CEP126: variants seen among roughly 807,000 people sequenced by gnomAD.
CEP126 encodes the protein centrosomal protein 126, also known as centrosomal protein of 126 kDa.
Under a neutral mutation model 107.8 loss-of-function variants are expected in CEP126, and 74 were observed. The ratio of observed to expected loss-of-function variants is 0.69; its 90% CI spans 0.57 to 0.83. The LOEUF is 0.83. Ranked by LOEUF, CEP126 falls within the 40% of genes least tolerant of loss-of-function variation. The pLI, the probability that CEP126 is intolerant of heterozygous loss-of-function variation, is 0.00. For synonymous variants in CEP126, 449 were observed against 446.0 expected (o/e 1.01, Z -0.08); for missense variants, 1,237 against 1,281.9 (o/e 0.96, Z 0.53).
At chr11:101,941,218 G>C (rs558635438) in intron 2 of CEP126, among the ~76,000 whole-genome samples, 3 of 151,932 alleles carry the variant, frequency 2.0e-5, no homozygotes, top group African/African-American at 4.8e-5. Flanking sequence ...TCATATTGCT[G>C]GGTAACCATC....
chr11:101,970,198 C>T (rs188921765), intron 6 of CEP126, among the ~76,000 whole-genome samples: 2 of 152,088 alleles, frequency 1.3e-5, no homozygotes, highest in African/African-American at 4.8e-5. Context: ...ATATAAAGAA[C>T]CCAAAATGTT....
At chr11:101,968,844 T>C (rs1404287777) in intron 6 of CEP126, among the ~76,000 whole-genome samples, 3 of 152,166 alleles carry the variant, frequency 2.0e-5, no homozygotes, top group Non-Finnish European at 4.4e-5. Flanking sequence ...TGAATATCAA[T>C]ATATTTTACC....
rs186513569 is a variant in CEP126 at position 101,915,056 on chromosome 11, C to G, written c.-229C>G. On this transcript the variant is annotated 5_prime_UTR_variant, in exon 1 of 11. Coordinates refer to ENST00000263468, the MANE Select transcript of CEP126 (RefSeq NM_020802.4). ...ATGGCGGCTGCAGGGTTGCTGCCGCCCCATCTGCTATTGCCCGGCGAGGTC... is the reference window on the plus strand; with the variant it reads ...ATGGCGGCTGCAGGGTTGCTGCCGCGCCATCTGCTATTGCCCGGCGAGGTC... The G allele has an allele frequency of 9.6e-3, 4,901 of 512,176 alleles. 32 individuals carry two copies. The highest frequency in any genetic ancestry group is 0.016 in the Middle Eastern group (30 of 1,890). The allele number at this position is 512,176 out of a possible 1,614,324, so 31.7% of individuals were successfully genotyped here. A position where few individuals can be genotyped will look rare whatever the true frequency, so the allele number is the denominator to read the frequency against.
chr11:101,941,683 A>G (rs1334859252), intron 2 of CEP126, among the ~76,000 whole-genome samples: 1 of 152,082 alleles, frequency 6.6e-6, no homozygotes, highest in Non-Finnish European at 1.5e-5. Context: ...ATCATATGGT[A>G]ATTCTATGTT....
At chr11:101,983,258 C>A (rs1388581676) in intron 8 of CEP126, among the ~76,000 whole-genome samples, 3 of 152,176 alleles carry the variant, frequency 2.0e-5, no homozygotes, top group Non-Finnish European at 4.4e-5. Context: ...ACTACACCAG[C>A]AACCTAAGTG....
intron 6 of CEP126, among the ~76,000 whole-genome samples, chr11:101,970,210 T>C (rs1173089287): frequency 6.6e-6 from 1 of 152,228 alleles, no homozygotes; most frequent in Non-Finnish European, 1.5e-5. Flanking sequence ...CAAAATGTTC[T>C]TCAATAGTGT....
chr11:101,979,473 C>T (rs1399851588), intron 7 of CEP126, among the ~76,000 whole-genome samples: 2 of 151,962 alleles, frequency 1.3e-5, no homozygotes, highest in African/African-American at 4.8e-5. Flanking sequence ...AATGGCCAGG[C>T]GTGGTGGCTC....
intron 2 of CEP126, among the ~76,000 whole-genome samples, chr11:101,938,454 T>G (rs901175685): frequency 2.6e-5 from 4 of 151,752 alleles, no homozygotes; most frequent in African/African-American, 9.7e-5. Context: ...TTTATTAGAT[T>G]CTTTCTTCTT....
chr11:101,919,626 TATTAATA>T (rs1430531796), intron 1 of CEP126, among the ~76,000 whole-genome samples: 1 of 152,216 alleles, frequency 6.6e-6, no homozygotes, highest in Non-Finnish European at 1.5e-5. Context: ...GGATTCTTTA[TATTAATA>T]ATTAATAATT....
chr11:101,934,060 C>T (rs576719977), intron 2 of CEP126, among the ~76,000 whole-genome samples: 3 of 151,942 alleles, frequency 2.0e-5, no homozygotes, highest in Non-Finnish European at 4.4e-5. Context: ...GTATCATCTT[C>T]GCTCTTTGTT....
intron 2 of CEP126, among the ~76,000 whole-genome samples, chr11:101,937,350 T>G (rs1375664417): frequency 2.6e-5 from 4 of 152,174 alleles, no homozygotes; most frequent in African/African-American, 9.7e-5. Context: ...ATTAACACAT[T>G]GAAAAAATAA....
chr11:101,946,447 G>A (rs1940737657), intron 3 of CEP126, among the ~76,000 whole-genome samples: 1 of 152,144 alleles, frequency 6.6e-6, no homozygotes, highest in African/African-American at 2.4e-5. Context: ...AGCGGAGGTT[G>A]CAGTGAGCCA....
intron 4 of CEP126, chr11:101,956,888 AG>A (rs1940906818): frequency 5.4e-6 from 2 of 367,514 alleles, no homozygotes; most frequent in South Asian, 4.2e-5. Flanking sequence ...AAGAGAAGAA[AG>A]TGGAGTAGAG....
At chr11:101,917,915 T>C (rs1357492024) in intron 1 of CEP126, among the ~76,000 whole-genome samples, 5 of 152,180 alleles carry the variant, frequency 3.3e-5, no homozygotes, top group East Asian at 3.8e-4. Context: ...CCACTAAAGA[T>C]TGATGGTTTC....
intron 9 of CEP126, among the ~76,000 whole-genome samples, chr11:101,988,211 C>T (rs1339762433): frequency 6.6e-6 from 1 of 152,000 alleles, no homozygotes; most frequent in Non-Finnish European, 1.5e-5. Context: ...AAAGAGCAAA[C>T]AGATTTGAAA....
In CEP126 at chr11:101,917,149, G is replaced by C. The variant is rs900999295; in HGVS notation, c.128+1737G>C. ...GTTTAGATAATATATATTTAAATTG[G>C]AACAGAGGAATTATTTTTGAACATA... On this transcript the variant is annotated intron_variant, in intron 1 of 10. Transcript: ENST00000263468. Among the ~76,000 whole-genome samples, 6 of 150,384 alleles carry C rather than the reference G, an allele frequency of 4.0e-5. No homozygotes were observed. The East Asian group carries it at 1.2e-3, about 30-fold the overall frequency.
intron 4 of CEP126, chr11:101,957,012 G>A (rs1462813629): frequency 3.3e-6 from 1 of 303,424 alleles, no homozygotes; most frequent in Non-Finnish European, 6.4e-6. Flanking sequence ...GGCGACTGAA[G>A]GGGAAGGATT....
chr11:101,920,796 G>C (rs1409168581), intron 1 of CEP126, among the ~76,000 whole-genome samples: 1 of 151,904 alleles, frequency 6.6e-6, no homozygotes, highest in Admixed American at 6.6e-5. Context: ...TGTAGAGCCG[G>C]GGTTTCACCA....
At chr11:101,930,907 T>C (rs1940489697) in intron 2 of CEP126, among the ~76,000 whole-genome samples, 1 of 152,232 alleles carries the variant, frequency 6.6e-6, no homozygotes, top group African/African-American at 2.4e-5. Flanking sequence ...GTATATATCA[T>C]GCACAGGAGT....
Sources: allele counts gnomAD v4.1 joint callset (sites outside exome capture counted in the v4.1 genomes callset), GRCh38; gene constraint gnomAD v4.1.1; transcripts MANE v1.5; gene names NCBI Gene and HGNC (gene_info 2026-07-23, HGNC 2026-07-21).